Variants in SH3BP4 observed in about 807,000 individuals in gnomAD.
The protein encoded by SH3BP4 is SH3 domain-binding protein 4.
In SH3BP4, 33 loss-of-function variants were observed where a neutral mutation model predicts 65.5. The observed-to-expected ratio is 0.50, with a 90% confidence interval of 0.38 to 0.67. SH3BP4 has a LOEUF of 0.67. Ranked by LOEUF, SH3BP4 falls within the 30% of genes least tolerant of loss-of-function variation. SH3BP4 has a pLI of 0.00. For synonymous variants in SH3BP4, 552 were observed against 545.5 expected (o/e 1.01, Z -0.17); for missense variants, 1,134 against 1,261.4 (o/e 0.90, Z 1.53).
At chr2:234,955,059 T>C (rs139887348) in intron 1 of SH3BP4, among the ~76,000 whole-genome samples, 182 of 152,318 alleles carry the variant, frequency 1.2e-3, no homozygotes, top group African/African-American at 4.1e-3. Flanking sequence ...AATTGGGCTG[T>C]GTTGTGATTT....
At chr2:235,000,427 C>T (rs1007235271) in intron 2 of SH3BP4, among the ~76,000 whole-genome samples, 1 of 152,168 alleles carries the variant, frequency 6.6e-6, no homozygotes, top group African/African-American at 2.4e-5. Flanking sequence ...TGATCTGGGC[C>T]CCGCCCTTTG....
chr2:235,042,845 G>T lies in SH3BP4; in HGVS notation c.2076G>T (p.Arg692Ser). 1 of 1,613,914 alleles carries T rather than the reference G, an allele frequency of 6.2e-7. No individual in the cohort carries two copies. The highest frequency in any genetic ancestry group is 8.5e-7 in the Non-Finnish European group (1 of 1,180,024). ...GIALLSEERV[R>S]LRGQLWTKEW... ...CCCTGCTCAGCGAGGAGCGGGTCAG[G>T]CTCCGGGGCCAGCTGTGGACCAAGG... The change falls in exon 4 of 6, where the codon AGG becomes AGT. Residue 692 changes from arginine (R) to serine (S), a missense_variant. Transcript: ENST00000392011. The surrounding 1 kb of genome is among the most constrained non-coding windows in gnomAD (Gnocchi z 7.3).
At position 235,040,964 on chromosome 2, in the gene SH3BP4, C is replaced by G. The variant is rs763922827; in HGVS notation, c.195C>G (p.Asp65Glu). Residue 65 changes from aspartate (D) to glutamate (E), a missense_variant, in exon 4 of 6, where the codon GAC becomes GAG. Asp to Glu is a conservative substitution (Grantham distance 45, BLOSUM62 2). Coordinates refer to ENST00000392011, the MANE Select transcript of SH3BP4 (RefSeq NM_014521.3). ...GNAKEVIAIK[D>E]YCPTNFTTLK... ...CAAAGGAAGTGATTGCGATCAAGGACTATTGCCCCACCAACTTCACCACAC... is the reference window on the plus strand; with the variant it reads ...CAAAGGAAGTGATTGCGATCAAGGAGTATTGCCCCACCAACTTCACCACAC... 2 of 1,614,208 alleles carry G rather than the reference C, an allele frequency of 1.2e-6. No homozygotes were observed. The highest frequency in any genetic ancestry group is 2.2e-5 in the East Asian group (1 of 44,886).
At position 235,026,756 on chromosome 2, in the gene SH3BP4, T is replaced by C. The variant is rs373896884; in HGVS notation, c.-132-8115T>C. Among the ~76,000 whole-genome samples, 194 of 152,294 alleles carry C rather than the reference T, an allele frequency of 1.3e-3. 1 individual carries two copies. The highest frequency in any genetic ancestry group is 4.5e-3 in the African/African-American group (188 of 41,556). ...TCACCCTGTGGCGTGGTCTTGGCTC[T>C]GAATAACCGCTGCTACCTCCTAAAT... On this transcript the variant is annotated intron_variant, in intron 2 of 5. Transcript: ENST00000392011. The surrounding 1 kb of genome is among the most constrained non-coding windows in gnomAD (Gnocchi z 4.6).
chr2:234,963,517 T>C (rs1692762742), intron 1 of SH3BP4, among the ~76,000 whole-genome samples: 1 of 152,230 alleles, frequency 6.6e-6, no homozygotes, highest in African/African-American at 2.4e-5. Flanking sequence ...TGACGTGCTT[T>C]GCGTTCTGCG....
In SH3BP4 at chr2:234,978,680, C is replaced by T. The variant is rs1693251079; in HGVS notation, c.-206-16623C>T. ...CTTCCAGCAAATCCGTGGTTGTTTT[C>T]AGTTACCTTAAGAGGGACAACTGAA... On this transcript the variant is annotated intron_variant, in intron 1 of 5. Coordinates refer to ENST00000392011, the MANE Select transcript of SH3BP4 (RefSeq NM_014521.3). This position sits in a 1 kb window ranked among gnomAD's most constrained non-coding sequence, Gnocchi z 4.1. 1 of 152,216 alleles carries T rather than the reference C, an allele frequency of 6.6e-6. No individual in the cohort carries two copies. Among genetic ancestry groups the T allele is most frequent in the African/African-American group, 2.4e-5 (1 of 41,452 alleles). 9.4% of individuals were successfully genotyped at this position (152,216 alleles called of 1,614,324 possible). A position where few individuals can be genotyped will look rare whatever the true frequency, so the allele number is the denominator to read the frequency against.
chr2:234,996,804 A>G (rs565265383), intron 2 of SH3BP4, among the ~76,000 whole-genome samples: 5 of 152,202 alleles, frequency 3.3e-5, no homozygotes, highest in Admixed American at 1.3e-4. Context: ...GGGCCCCCAC[A>G]TGGACTGGCC....
At chr2:235,003,514 A>G (rs1160596631) in intron 2 of SH3BP4, among the ~76,000 whole-genome samples, 1 of 152,092 alleles carries the variant, frequency 6.6e-6, no homozygotes, top group African/African-American at 2.4e-5. Flanking sequence ...GCAGATTCCC[A>G]TTTTGCCAGC....
At chr2:235,053,426 C>A (rs1440562010) in intron 5 of SH3BP4, among the ~76,000 whole-genome samples, 166 bp from the exon 6 acceptor site, 2 of 152,304 alleles carry the variant, frequency 1.3e-5, no homozygotes, top group Middle Eastern at 3.4e-3. Context: ...TGACCCTGGC[C>A]CCGAGATGGT....
chr2:235,014,198 C>T (rs1225373851), intron 2 of SH3BP4, among the ~76,000 whole-genome samples: 1 of 152,146 alleles, frequency 6.6e-6, no homozygotes. Context: ...CTGCCGACAT[C>T]AGCCTGATCC....
intron 1 of SH3BP4, among the ~76,000 whole-genome samples, chr2:234,958,039 A>G (rs1692628357): frequency 6.6e-6 from 1 of 152,102 alleles, no homozygotes; most frequent in Admixed American, 6.5e-5. Flanking sequence ...AGAAAGGAAA[A>G]GAGTCTTCCT....
Position 234,977,150 on chromosome 2 carries a change from G to A in SH3BP4, c.-206-18153G>A, listed in dbSNP as rs2106252131. On this transcript the variant is annotated intron_variant, in intron 1 of 5. Coordinates refer to ENST00000392011, the MANE Select transcript of SH3BP4 (RefSeq NM_014521.3). This position sits in a 1 kb window ranked among gnomAD's most constrained non-coding sequence, Gnocchi z 5.1. The stretch of plus-strand genomic sequence containing the variant: ...TTATTTAAGAAAATAGGTAAGAGTG[G>A]TTAGGAAGGCTGGTTGGAGGCTGGG... Among the ~76,000 whole-genome samples the A allele has an allele frequency of 6.6e-6, 1 of 152,334 alleles. No individual in the cohort carries two copies. Among genetic ancestry groups the A allele is most frequent in the East Asian group, 1.9e-4 (1 of 5,178 alleles).
chr2:235,000,046 T>C (rs1184484967), intron 2 of SH3BP4, among the ~76,000 whole-genome samples: 4 of 152,196 alleles, frequency 2.6e-5, no homozygotes, highest in African/African-American at 7.2e-5. Context: ...GTACCTGGTC[T>C]CCACCACTGA....
intron 1 of SH3BP4, among the ~76,000 whole-genome samples, chr2:234,955,904 A>T (rs2106237339): frequency 6.6e-6 from 1 of 152,064 alleles, no homozygotes; most frequent in Admixed American, 6.5e-5. Flanking sequence ...GACTTTAATG[A>T]GTGCTTGAGT....
chr2:234,954,539 T>C (rs1309839010), intron 1 of SH3BP4, among the ~76,000 whole-genome samples: 1 of 152,174 alleles, frequency 6.6e-6, no homozygotes, highest in Non-Finnish European at 1.5e-5. Flanking sequence ...TGTCTGTTCA[T>C]GTATTGTGCT....
intron 3 of SH3BP4, among the ~76,000 whole-genome samples, chr2:235,036,135 A>G (rs1559253188): frequency 6.6e-6 from 1 of 152,218 alleles, no homozygotes; most frequent in African/African-American, 2.4e-5. Flanking sequence ...ATGTCTGTCT[A>G]ATTGAGTAGC....
In SH3BP4 at chr2:234,967,617, A is replaced by G. The variant is rs1001559242; in HGVS notation, c.-207+15447A>G. Among the ~76,000 whole-genome samples, 1 of 152,180 alleles carries G rather than the reference A, an allele frequency of 6.6e-6. No individual in the cohort carries two copies. Among genetic ancestry groups the G allele is most frequent in the Non-Finnish European group, 1.5e-5 (1 of 68,030 alleles). On this transcript the variant is annotated intron_variant, in intron 1 of 5. Transcript: ENST00000392011. The surrounding 1 kb of genome is among the most constrained non-coding windows in gnomAD (Gnocchi z 4.6). ...AATAAGGAATTATTCTCATGGCTCC[A>G]TATCCGCGTCAGGTTACCTCCTTCC... is the stretch of plus-strand genomic sequence containing the variant.
At chr2:235,029,801 G>T in intron 2 of SH3BP4, among the ~76,000 whole-genome samples, 1 of 152,330 alleles carries the variant, frequency 6.6e-6, no homozygotes, top group South Asian at 2.1e-4. Context: ...TCGGATCTGA[G>T]GCTCTGGGCC....
chr2:235,043,325 G>A (rs575761328), intron 4 of SH3BP4, 78 bp downstream of exon 4: 159 of 1,187,312 alleles, frequency 1.3e-4, no homozygotes, highest in Admixed American at 2.7e-4. Context: ...GCACATGGGC[G>A]TGGGCCGTGG....
Sources: allele counts gnomAD v4.1 joint callset (sites outside exome capture counted in the v4.1 genomes callset), GRCh38; gene constraint gnomAD v4.1.1; non-coding constraint Gnocchi (gnomAD v3.1); transcripts MANE v1.5; gene names NCBI Gene and HGNC (gene_info 2026-07-23, HGNC 2026-07-21).